MDH1B: variants seen among roughly 807,000 people sequenced by gnomAD.
MDH1B encodes malate dehydrogenase 1B.
MDH1B carries 60 observed loss-of-function variants against 61.4 expected under a neutral mutation model. The ratio of observed to expected loss-of-function variants is 0.98; its 90% confidence interval spans 0.79 to 1.21. MDH1B has a LOEUF of 1.21. Ranked by LOEUF, MDH1B falls within the 50% of genes most tolerant of loss-of-function variation. The pLI is 0.00. For synonymous variants in MDH1B, 236 were observed against 218.7 expected (o/e 1.08, Z -0.70); for missense variants, 587 against 632.1 (o/e 0.93, Z 0.76).
chr2:206,756,856 T>C (rs777144852), intron 4 of MDH1B, 42 bp downstream of exon 4: 1 of 1,603,284 alleles, frequency 6.2e-7, no homozygotes, highest in South Asian at 1.1e-5. Flanking sequence ...TTTCTAAATA[T>C]AAAAAGTAAA....
intron 2 of MDH1B, among the ~76,000 whole-genome samples, chr2:206,757,840 ATT>A: frequency 2.0e-5 from 3 of 152,194 alleles, no homozygotes; most frequent in African/African-American, 7.2e-5. Flanking sequence ...TTATTTGGAG[ATT>A]TCCGACAATA....
chr2:206,755,207 G>C lies in MDH1B; in HGVS notation c.712C>G (p.Leu238Val), dbSNP rs771309560. Residue 238 changes from leucine to valine, a missense_variant, in exon 5 of 12, where the codon CTC (leucine) becomes GTC (valine). Transcript: ENST00000374412. Reference sequence around the variant, plus strand: ...TTTTTCTCTATCAGGTACCCATAGAGCCTGCAGAGAGGCACCCTGCTTCGG... The same window carrying C: ...TTTTTCTCTATCAGGTACCCATAGACCCTGCAGAGAGGCACCCTGCTTCGG... ...CLRSRVPLCRLYGYLIEKNAH... is the reference protein window; with the variant it reads ...CLRSRVPLCRVYGYLIEKNAH... 35 of 1,614,056 alleles carry C rather than the reference G, an allele frequency of 2.2e-5. No homozygotes were observed. The Admixed American group carries it at 5.8e-4, about 27-fold the overall frequency.
At position 206,757,287 on chromosome 2, in the gene MDH1B, C is replaced by T; in HGVS notation, c.220G>A (p.Gly74Arg). 6.2e-7 allele frequency: 1 copy of T among 1,614,022 alleles called. No individual in the cohort carries two copies. The highest frequency in any genetic ancestry group is 8.5e-7 in the Non-Finnish European group (1 of 1,179,908). ...IIWRELLDRG[G>R]KGLLLGGYNE... ...TATCCTCCCAAAAGCAAACCCTTTC[C>T]TCCACGATCCAACAGCTCTCTCCAG... Residue 74 changes from glycine to arginine, a missense_variant, in exon 3 of 12, where the codon GGA (glycine) becomes AGA (arginine). Transcript: ENST00000374412.
At chr2:206,755,598 T>A in intron 4 of MDH1B, 93 bp from the exon 5 acceptor site, 4 of 1,446,710 alleles carry the variant, frequency 2.8e-6, no homozygotes. Flanking sequence ...TGTGCATCAA[T>A]AGGGTGGTTT....
At chr2:206,754,812 AAAAAGCCAGACAC>A (rs1469622763) in intron 5 of MDH1B, among the ~76,000 whole-genome samples, 184 bp downstream of exon 5, 2 of 152,202 alleles carry the variant, frequency 1.3e-5, no homozygotes, top group Non-Finnish European at 2.9e-5. Context: ...ATAATGATGG[AAAAAGCCAGACAC>A]AAAAGCCAGT....
intron 10 of MDH1B, among the ~76,000 whole-genome samples, chr2:206,740,575 T>G (rs1297562054): frequency 6.6e-6 from 1 of 152,170 alleles, no homozygotes; most frequent in Non-Finnish European, 1.5e-5. Flanking sequence ...CATATGTGTG[T>G]GTATTTATGT....
chr2:206,764,571 G>C (rs1351138543), intron 1 of MDH1B, among the ~76,000 whole-genome samples: 2 of 152,212 alleles, frequency 1.3e-5, no homozygotes, highest in Non-Finnish European at 2.9e-5. Flanking sequence ...TCTCAGTTGA[G>C]TCCTTGCTGT....
intron 5 of MDH1B, among the ~76,000 whole-genome samples, chr2:206,753,566 T>C (rs1688577569): frequency 6.6e-6 from 1 of 152,164 alleles, no homozygotes; most frequent in South Asian, 2.1e-4. Flanking sequence ...AATCTTGCTT[T>C]TCTGAAAAGG....
intron 8 of MDH1B, among the ~76,000 whole-genome samples, 179 bp downstream of exon 8, chr2:206,746,108 T>C (rs1430844008): frequency 6.6e-6 from 1 of 152,170 alleles, no homozygotes; most frequent in African/African-American, 2.4e-5. Flanking sequence ...TACCAGAAAT[T>C]GTATAACTAA....
At chr2:206,747,739 G>T (rs1427749252) in intron 7 of MDH1B, among the ~76,000 whole-genome samples, 1 of 152,194 alleles carries the variant, frequency 6.6e-6, no homozygotes, top group African/African-American at 2.4e-5. Flanking sequence ...GAGAGACAGA[G>T]ATTAATTCTG....
At chr2:206,743,694 T>C (rs1018376118) in intron 9 of MDH1B, among the ~76,000 whole-genome samples, 3 of 152,174 alleles carry the variant, frequency 2.0e-5, no homozygotes, top group Non-Finnish European at 2.9e-5. Flanking sequence ...TCTGGCACCA[T>C]GCTTCTTCCT....
chr2:206,746,534 A>G (rs1688123712), intron 7 of MDH1B, 108 bp from the exon 8 acceptor site: 1 of 1,167,144 alleles, frequency 8.6e-7, no homozygotes, highest in African/African-American at 1.6e-5. Flanking sequence ...ATTTTTAATG[A>G]TAATGATGGA....
In MDH1B at chr2:206,757,322, G is replaced by A; in HGVS notation, c.185C>T (p.Ser62Phe). 1 of 1,613,840 alleles carries A rather than the reference G, an allele frequency of 6.2e-7. No individual in the cohort carries two copies. Among genetic ancestry groups the A allele is most frequent in the Non-Finnish European group, 8.5e-7 (1 of 1,179,876 alleles). Residue 62 changes from serine (S) to phenylalanine (F), a missense_variant, in exon 3 of 12, where the codon TCC (serine) becomes TTC (phenylalanine). Coordinates refer to ENST00000374412, the MANE Select transcript of MDH1B (RefSeq NM_001039845.3). ...CEKNKWSHKN[S>F]PIIWRELLDR... ...CAACAGCTCTCTCCAGATGATAGGG[G>A]AATTCTTGTGACTCCACTTATTCTT...
chr2:206,746,674 C>T (rs533271908), intron 7 of MDH1B, among the ~76,000 whole-genome samples: 2 of 152,312 alleles, frequency 1.3e-5, no homozygotes, highest in African/African-American at 4.8e-5. Context: ...CTAATGCAGT[C>T]TTTCTCTTTT....
intron 1 of MDH1B, 136 bp from the exon 2 acceptor site, chr2:206,761,149 G>A: frequency 2.1e-6 from 1 of 487,252 alleles, no homozygotes; most frequent in South Asian, 4.2e-5. Context: ...AGTATAAACT[G>A]CTATTACATA....
intron 11 of MDH1B, 93 bp downstream of exon 11, chr2:206,739,500 C>T (rs1305843139): frequency 2.6e-6 from 3 of 1,163,478 alleles, no homozygotes; most frequent in African/African-American, 1.5e-5. Context: ...GAGGGTTTGA[C>T]AAGAATAGTA....
intron 6 of MDH1B, 74 bp downstream of exon 6, chr2:206,750,860 T>G: frequency 8.1e-7 from 1 of 1,228,706 alleles, no homozygotes. Flanking sequence ...ATTTATGAGA[T>G]GATTTAAAAG....
intron 9 of MDH1B, among the ~76,000 whole-genome samples, chr2:206,742,332 T>C (rs1687859051): frequency 6.6e-6 from 1 of 152,176 alleles, no homozygotes; most frequent in Non-Finnish European, 1.5e-5. Context: ...ATGCTGCAAC[T>C]TGGAATGGAG....
At chr2:206,756,757 G>A (rs1208106973) in intron 4 of MDH1B, 141 bp downstream of exon 4, 8 of 729,458 alleles carry the variant, frequency 1.1e-5, no homozygotes, top group South Asian at 9.2e-5. Context: ...ATATGTATAT[G>A]TGTATACATA....
Sources: gnomAD v4.1 joint callset for allele counts (sites outside exome capture counted in the v4.1 genomes callset) on GRCh38, gnomAD v4.1.1 for gene constraint, MANE v1.5 for transcripts, NCBI Gene and HGNC (gene_info 2026-07-23, HGNC 2026-07-21) for gene names.